Variants in SLC25A37 observed in about 807,000 individuals in gnomAD.
SLC25A37 encodes solute carrier family 25 member 37, also known as mitoferrin-1.
A neutral mutation model predicts 31.0 loss-of-function variants in SLC25A37; 17 were observed. The ratio of observed to expected loss-of-function variants is 0.55; its 90% CI spans 0.38 to 0.82. The LOEUF (loss-of-function observed/expected upper bound fraction) is 0.82, where lower values mean the gene tolerates loss of function less well. Among genes scored for constraint, SLC25A37 ranks in the 40% least tolerant of loss-of-function variants. SLC25A37 has a pLI of 0.00. For synonymous variants in SLC25A37, 222 were observed against 193.0 expected (o/e 1.15, Z -1.24); for missense variants, 404 against 465.8 (o/e 0.87, Z 1.22).
chr8:23,540,326 G>T (rs1801863095), intron 1 of SLC25A37, among the ~76,000 whole-genome samples: 1 of 152,190 alleles, frequency 6.6e-6, no homozygotes, highest in Admixed American at 6.5e-5. Context: ...GTTAATGGCA[G>T]CAGAGCCCTT....
rs995799549 is a variant in SLC25A37 at position 23,572,955 on chromosome 8, G to C, written c.*1100G>C. 4.6e-5 allele frequency: 7 copies of C among 152,232 alleles called. No individual in the cohort carries two copies. The highest frequency in any genetic ancestry group is 2.9e-5 in the Non-Finnish European group (2 of 68,056). The allele number at this position is 152,232 out of a possible 1,614,324, so 9.4% of individuals were successfully genotyped here. ...TGGGATAAATCCTACCTTCATCCTA[G>C]GACTTATTTCTGCATCAGCCTTTTA... On this transcript the variant is annotated 3_prime_UTR_variant, in exon 4 of 4. Coordinates refer to ENST00000519973, the MANE Select transcript of SLC25A37 (RefSeq NM_016612.4).
intron 1 of SLC25A37, among the ~76,000 whole-genome samples, chr8:23,561,320 G>A (rs907170589): frequency 6.6e-6 from 1 of 152,164 alleles, no homozygotes; most frequent in Non-Finnish European, 1.5e-5. Context: ...AAAAAGGGGA[G>A]GGGGTGAGAA....
chr8:23,537,805 G>A (rs73671466), intron 1 of SLC25A37, among the ~76,000 whole-genome samples: 4,907 of 152,194 alleles, frequency 0.032, 259 homozygotes, highest in African/African-American at 0.11. Flanking sequence ...GGTGCCTGCC[G>A]CAGAGCCTGC....
In SLC25A37 at chr8:23,529,397, C is replaced by T. The variant is rs943490008; in HGVS notation, c.210+185C>T. 6.6e-6 allele frequency among the ~76,000 whole-genome samples: 1 copy of T among 151,664 alleles called. No homozygotes were observed. The highest frequency in any genetic ancestry group is 1.9e-4 in the East Asian group (1 of 5,134). ...CTGGGCGCCGCGCCTTCCGCCGACCCCGCGAGGGTGCCCGGTCCTCGCCCC... is the reference window on the plus strand; with the variant it reads ...CTGGGCGCCGCGCCTTCCGCCGACCTCGCGAGGGTGCCCGGTCCTCGCCCC... On this transcript the variant is annotated intron_variant, in intron 1 of 3. Transcript: ENST00000519973. This position sits in a 1 kb window ranked among gnomAD's most constrained non-coding sequence, Gnocchi z 4.1.
chr8:23,566,254 C>A lies in SLC25A37; in HGVS notation c.357C>A (p.Ala119=), dbSNP rs1802652849. The A allele has an allele frequency of 3.1e-6, 5 of 1,598,262 alleles. No homozygotes were observed. The highest frequency in any genetic ancestry group is 4.3e-6 in the Non-Finnish European group (5 of 1,174,958). The change falls in exon 2 of 4, where the codon GCC becomes GCA. Residue 119 remains alanine (A), a synonymous_variant. Coordinates refer to ENST00000519973, the MANE Select transcript of SLC25A37 (RefSeq NM_016612.4). ...VMIMGAGPAH[A]MYFACYENMK... is the part of the protein sequence containing the mutation. ...TCATGGGTGCAGGGCCGGCCCATGC[C>A]ATGTATTTTGCCTGCTATGAAAACA...
chr8:23,534,581 C>G (rs1801726620), intron 1 of SLC25A37, among the ~76,000 whole-genome samples: 1 of 152,174 alleles, frequency 6.6e-6, no homozygotes, highest in African/African-American at 2.4e-5. Context: ...TTTCACTTCC[C>G]CCTCCTGATG....
chr8:23,544,338 CTG>C (rs2117402924), intron 1 of SLC25A37, among the ~76,000 whole-genome samples: 1 of 152,308 alleles, frequency 6.6e-6, no homozygotes, highest in African/African-American at 2.4e-5. Flanking sequence ...TAAGTACACT[CTG>C]TGATGTTCAC....
intron 1 of SLC25A37, among the ~76,000 whole-genome samples, chr8:23,551,434 C>T (rs762887937): frequency 2.0e-5 from 3 of 152,066 alleles, no homozygotes; most frequent in Non-Finnish European, 4.4e-5. Context: ...TCAGGTGGTC[C>T]TGCCACATCC....
chr8:23,542,277 A>G (rs966486267), intron 1 of SLC25A37, among the ~76,000 whole-genome samples: 7 of 152,084 alleles, frequency 4.6e-5, no homozygotes, highest in African/African-American at 1.7e-4. Context: ...AGCACACACA[A>G]TTAGTAGGTA....
At chr8:23,541,060 C>T (rs573738481) in intron 1 of SLC25A37, among the ~76,000 whole-genome samples, 5 of 152,344 alleles carry the variant, frequency 3.3e-5, no homozygotes, top group Admixed American at 3.3e-4. Flanking sequence ...CTTACAGTGT[C>T]TCCCATCTGT....
Position 23,571,360 on chromosome 8 carries a change from C to A in SLC25A37, c.522C>A (p.Tyr174Ter). 1.2e-6 allele frequency: 2 copies of A among 1,600,724 alleles called. No individual in the cohort carries two copies. Among genetic ancestry groups the A allele is most frequent in the Non-Finnish European group, 8.5e-7 (1 of 1,173,164 alleles). The change falls in exon 4 of 4, where the codon TAC (tyrosine) becomes TAA (stop). Residue 174 changes from tyrosine to a stop codon, truncating the protein, a stop_gained. Coordinates refer to ENST00000519973, the MANE Select transcript of SLC25A37 (RefSeq NM_016612.4). LOFTEE classifies it high-confidence loss of function. ...TGGTGAAGCAGCGCTTGCAGATGTACAACTCGCAGCACCGGTCAGCAATCA... is the reference window on the plus strand; with the variant it reads ...TGGTGAAGCAGCGCTTGCAGATGTAAAACTCGCAGCACCGGTCAGCAATCA... Reference protein sequence around the residue: ...AEVVKQRLQMYNSQHRSAISC... With the variant: ...AEVVKQRLQM
intron 1 of SLC25A37, among the ~76,000 whole-genome samples, chr8:23,537,276 C>T (rs1801789626): frequency 6.6e-6 from 1 of 151,682 alleles, no homozygotes; most frequent in Non-Finnish European, 1.5e-5. Context: ...TTTTTCTCCC[C>T]AGCAGTTGTT....
At chr8:23,558,521 C>G (rs2978487) in intron 1 of SLC25A37, among the ~76,000 whole-genome samples, 1 of 152,018 alleles carries the variant, frequency 6.6e-6, no homozygotes, top group African/African-American at 2.4e-5. Context: ...GCATTTTCCA[C>G]TCTCCCTCCT....
In SLC25A37 at chr8:23,528,984, C is replaced by A. The variant is rs764351095; in HGVS notation, c.-19C>A. On this transcript the variant is annotated 5_prime_UTR_variant, in exon 1 of 4. Coordinates refer to ENST00000519973, the MANE Select transcript of SLC25A37 (RefSeq NM_016612.4). The stretch of plus-strand genomic sequence containing the variant: ...CCTGCCCACCTCCTGCAGCCTCCTG[C>A]GCCCCGCCGAGCTGGCGGATGGAGC... The A allele has an allele frequency of 4.1e-6, 6 of 1,476,658 alleles. No individual in the cohort carries two copies. The highest frequency in any genetic ancestry group is 5.4e-6 in the Non-Finnish European group (6 of 1,111,720). 91.5% of individuals were successfully genotyped at this position (1,476,658 alleles called of 1,614,324 possible).
rs1253558130 is a variant in SLC25A37, at chr8:23,528,981, C to T, written c.-22C>T. The T allele has an allele frequency of 1.5e-5, 22 of 1,475,582 alleles. No homozygotes were observed. Among genetic ancestry groups the T allele is most frequent in the Admixed American group, 4.6e-5 (2 of 43,834 alleles). 91.4% of individuals were successfully genotyped at this position (1,475,582 alleles called of 1,614,324 possible). A position where few individuals can be genotyped will look rare whatever the true frequency, so the allele number is the denominator to read the frequency against. On this transcript the variant is annotated 5_prime_UTR_variant, in exon 1 of 4. Coordinates refer to ENST00000519973, the MANE Select transcript of SLC25A37 (RefSeq NM_016612.4). ...CTCCCTGCCCACCTCCTGCAGCCTC[C>T]TGCGCCCCGCCGAGCTGGCGGATGG... is the stretch of plus-strand genomic sequence containing the variant.
At chr8:23,558,148 T>A (rs767265675) in intron 1 of SLC25A37, among the ~76,000 whole-genome samples, 1 of 152,186 alleles carries the variant, frequency 6.6e-6, no homozygotes, top group Non-Finnish European at 1.5e-5. Context: ...ACTTCGAACA[T>A]GGAAAGTTTT....
chr8:23,573,709 A>G lies in SLC25A37; in HGVS notation c.*1854A>G, dbSNP rs1412645561. 1 of 437,652 alleles carries G rather than the reference A, an allele frequency of 2.3e-6. No individual in the cohort carries two copies. Among genetic ancestry groups the G allele is most frequent in the Admixed American group, 2.4e-5 (1 of 41,038 alleles). 27.1% of individuals were successfully genotyped at this position (437,652 alleles called of 1,614,324 possible). A position where few individuals can be genotyped will look rare whatever the true frequency, so the allele number is the denominator to read the frequency against. ...TCCTTTTTCAGATCAGGGATGGGAAAGAGCCAAACTGGGTACCTCCCACGT... is the reference window on the plus strand; with the variant it reads ...TCCTTTTTCAGATCAGGGATGGGAAGGAGCCAAACTGGGTACCTCCCACGT... On this transcript the variant is annotated 3_prime_UTR_variant, in exon 4 of 4. Coordinates refer to ENST00000519973, the MANE Select transcript of SLC25A37 (RefSeq NM_016612.4).
intron 1 of SLC25A37, among the ~76,000 whole-genome samples, chr8:23,541,189 C>T (rs547553619): frequency 4.6e-5 from 7 of 152,144 alleles, no homozygotes; most frequent in Non-Finnish European, 8.8e-5. Context: ...GTAGTGGCTG[C>T]GTGTAGCAGA....
chr8:23,530,611 G>A (rs1410507005), intron 1 of SLC25A37, among the ~76,000 whole-genome samples: 5 of 152,196 alleles, frequency 3.3e-5, no homozygotes, highest in Non-Finnish European at 5.9e-5. Flanking sequence ...GAAAGACACT[G>A]GACTGATACC....
Sources: gnomAD v4.1 joint callset for allele counts (sites outside exome capture counted in the v4.1 genomes callset) on GRCh38, gnomAD v4.1.1 for gene constraint, Gnocchi (gnomAD v3.1) non-coding constraint, MANE v1.5 for transcripts, NCBI Gene and HGNC (gene_info 2026-07-23, HGNC 2026-07-21) for gene names.